GCN1: variants seen among roughly 807,000 people sequenced by gnomAD.
GCN1 encodes GCN1 activator of EIF2AK4, also known as stalled ribosome sensor GCN1.
GCN1 carries 90 observed loss-of-function variants against 288.4 expected under a neutral mutation model. The observed-to-expected ratio is 0.31, with a 90% CI of 0.26 to 0.37. The LOEUF is 0.37. Ranked by LOEUF, GCN1 falls within the 10% of genes least tolerant of loss-of-function variation. The pLI is 1.00. For synonymous variants in GCN1, 1,386 were observed against 1,420.2 expected (o/e 0.98, Z 0.54); for missense variants, 2,586 against 3,419.9 (o/e 0.76, Z 6.08).
At position 120,190,343 on chromosome 12, in the gene GCN1, G is replaced by A. The variant is rs767055962; in HGVS notation, c.76C>T (p.Arg26Trp). The A allele has an allele frequency of 1.2e-6, 2 of 1,610,310 alleles. No homozygotes were observed. Among genetic ancestry groups the A allele is most frequent in the Admixed American group, 1.7e-5 (1 of 59,954 alleles). Reference protein sequence around the residue: ...GKVTTASVKERREILSELGKC... With the variant: ...GKVTTASVKEWREILSELGKC... ...CCAAGTTCACTGAGGATTTCTCTCC[G>A]TTCCTTTACACTGGCTGTTGTCACC... The change falls in exon 2 of 58, where the codon CGG becomes TGG. Residue 26 changes from arginine to tryptophan, a missense_variant. Arg to Trp is a moderately radical substitution (Grantham distance 101). Around this residue, in one of 8 missense-constraint regions of GCN1, gnomAD observed 913 missense variants for 1,107.0 expected, o/e 0.82. Transcript: ENST00000300648.
chr12:120,165,036 CAT>C (rs1303147395), intron 16 of GCN1, among the ~76,000 whole-genome samples: 1,320 of 94,964 alleles, frequency 0.014, 24 homozygotes, highest in East Asian at 0.094. Context: ...CACACACACA[CAT>C]ATATATATAT....
intron 36 of GCN1, among the ~76,000 whole-genome samples, chr12:120,148,781 G>A (rs918717608): frequency 2.6e-5 from 4 of 151,044 alleles, no homozygotes; most frequent in Non-Finnish European, 5.9e-5. Flanking sequence ...AACTAGAGCA[G>A]CTCTACTTTT....
chr12:120,128,082 G>T, intron 57 of GCN1, 108 bp from the exon 58 acceptor site: 2 of 1,189,388 alleles, frequency 1.7e-6, no homozygotes, highest in Non-Finnish European at 2.4e-6. Flanking sequence ...TAGAGACACT[G>T]AGGTGGACTC....
intron 16 of GCN1, among the ~76,000 whole-genome samples, chr12:120,166,095 A>G (rs74641573): frequency 6.9e-6 from 1 of 144,672 alleles, no homozygotes; most frequent in Non-Finnish European, 1.5e-5. Flanking sequence ...GCCCCAGCCT[A>G]TTTTTTTTTA....
chr12:120,149,524 G>T, intron 36 of GCN1, 82 bp downstream of exon 36: 1 of 947,254 alleles, frequency 1.1e-6, no homozygotes, highest in South Asian at 1.4e-5. Flanking sequence ...CACAGGACAA[G>T]AGCTGTGGCT....
At chr12:120,152,425 T>A (rs1410613060) in intron 33 of GCN1, among the ~76,000 whole-genome samples, 1 of 126,214 alleles carries the variant, frequency 7.9e-6, no homozygotes, top group African/African-American at 3.1e-5. Flanking sequence ...TATATATATA[T>A]AAATATATAT....
chr12:120,145,502 C>T (rs1024714336), intron 38 of GCN1, among the ~76,000 whole-genome samples, 172 bp from the exon 39 acceptor site: 2 of 152,178 alleles, frequency 1.3e-5, no homozygotes, highest in Non-Finnish European at 2.9e-5. Context: ...GTCCCCTCTC[C>T]GACTGGTTCC....
At chr12:120,140,082 T>G (rs1877140927) in intron 45 of GCN1, among the ~76,000 whole-genome samples, 2 of 152,236 alleles carry the variant, frequency 1.3e-5, no homozygotes, top group South Asian at 4.1e-4. Flanking sequence ...TTTGATTCCT[T>G]GCCAAATGTA....
chr12:120,160,742 C>G (rs1877898623), intron 22 of GCN1, among the ~76,000 whole-genome samples: 1 of 152,224 alleles, frequency 6.6e-6, no homozygotes, highest in South Asian at 2.1e-4. Flanking sequence ...GTGCCAGGCA[C>G]TGTTCCAGAT....
chr12:120,165,002 T>TACACACACACACACACACACACAC (rs55710290), intron 16 of GCN1, among the ~76,000 whole-genome samples: 1 of 136,892 alleles, frequency 7.3e-6, no homozygotes, highest in African/African-American at 2.8e-5. Context: ...TACACATATA[T>TACACACACACACACACACACACAC]ACACACACAC....
chr12:120,189,931 G>A (rs1878950374), intron 2 of GCN1, among the ~76,000 whole-genome samples: 1 of 152,246 alleles, frequency 6.6e-6, no homozygotes, highest in East Asian at 1.9e-4. Context: ...AGTGAGCCGA[G>A]AGCGTGCCAC....
rs760825268 is a variant in GCN1, at chr12:120,173,835, A to G, written c.1193-9T>C. The G allele has an allele frequency of 1.2e-6, 2 of 1,611,950 alleles. No homozygotes were observed. The highest frequency in any genetic ancestry group is 2.7e-5 in the African/African-American group (2 of 74,852). On this transcript the variant is annotated splice_polypyrimidine_tract_variant and intron_variant, in intron 13 of 57. Transcript: ENST00000300648. ...CAAGGTCCCTTCATGAACTAGGGCAAAAAGCAGAAGTCCAGTCAGTCCAAT... is the reference window on the plus strand; with the variant it reads ...CAAGGTCCCTTCATGAACTAGGGCAGAAAGCAGAAGTCCAGTCAGTCCAAT...
Position 120,161,933 on chromosome 12 carries a change from A to C in GCN1, c.2289T>G (p.Phe763Leu), listed in dbSNP as rs1877945506. The C allele has an allele frequency of 6.2e-7, 1 of 1,614,058 alleles. No homozygotes were observed. Among genetic ancestry groups the C allele is most frequent in the African/African-American group, 1.3e-5 (1 of 74,942 alleles). Residue 763 changes from phenylalanine to leucine, a missense_variant, in exon 21 of 58, where the codon TTT (phenylalanine) becomes TTG (leucine). By Grantham distance (22) the Phe-to-Leu change is conservative. Coordinates refer to ENST00000300648, the MANE Select transcript of GCN1 (RefSeq NM_006836.2). ...CCCCAGCAGGGGTCTGCATAATGGC[A>C]AACTCCTCCCGCGTCACCAGGCGCA... is the stretch of plus-strand genomic sequence containing the variant. ...PALRLVTREEFAIMQTPAGEL... is the reference protein window; with the variant it reads ...PALRLVTREELAIMQTPAGEL...
intron 1 of GCN1, among the ~76,000 whole-genome samples, 169 bp downstream of exon 1, chr12:120,194,511 G>A (rs1879108468): frequency 6.6e-6 from 1 of 151,994 alleles, no homozygotes. Flanking sequence ...CGCCCGGGCC[G>A]GGCCAAGCCC....
Position 120,142,258 on chromosome 12 carries a change from G to A in GCN1, c.5829+249C>T, listed in dbSNP as rs554929144. Reference sequence around the variant, plus strand: ...GGAGAATGGCATGAACCTAGGAGGCGGAGCTTGCAGTGAGCTGAGATCACG... The same window carrying A: ...GGAGAATGGCATGAACCTAGGAGGCAGAGCTTGCAGTGAGCTGAGATCACG... On this transcript the variant is annotated intron_variant, in intron 44 of 57. Coordinates refer to ENST00000300648, the MANE Select transcript of GCN1 (RefSeq NM_006836.2). The surrounding 1 kb of genome is among the most constrained non-coding windows in gnomAD (Gnocchi z 4.9). 1.8e-3 allele frequency among the ~76,000 whole-genome samples: 271 copies of A among 152,202 alleles called. No individual in the cohort carries two copies. In the Middle Eastern group the frequency reaches 0.024, roughly 13 times the overall value.
In GCN1 at chr12:120,149,611, T is replaced by G; in HGVS notation, c.4541A>C (p.Lys1514Thr). 1.2e-6 allele frequency: 2 copies of G among 1,611,072 alleles called. No homozygotes were observed. The highest frequency in any genetic ancestry group is 1.7e-6 in the Non-Finnish European group (2 of 1,177,516). ...AALEEESWRT[K>T]AGSVELLGAM... is the part of the protein sequence containing the mutation. ...GGCAGAGCGAGTGGTCTTACCAGCTTTGGTCCGCCACGATTCCTCCTCCAG... is the reference window on the plus strand; with the variant it reads ...GGCAGAGCGAGTGGTCTTACCAGCTGTGGTCCGCCACGATTCCTCCTCCAG... The change falls in exon 36 of 58, where the codon AAA becomes ACA. Residue 1514 changes from lysine (K) to threonine (T), a missense_variant. By Grantham distance (78) the Lys-to-Thr change is moderately conservative. This residue lies in a region of GCN1 where 371 missense variants were observed against 572.6 expected (regional missense o/e 0.65). Transcript: ENST00000300648.
chr12:120,128,790 A>G (rs1434136799), intron 57 of GCN1, among the ~76,000 whole-genome samples: 1 of 151,808 alleles, frequency 6.6e-6, no homozygotes, highest in Non-Finnish European at 1.5e-5. Context: ...AGAAGTCTGA[A>G]AACCATGGGA....
At chr12:120,169,801 T>G (rs945639951) in intron 15 of GCN1, among the ~76,000 whole-genome samples, 1 of 152,214 alleles carries the variant, frequency 6.6e-6, no homozygotes, top group Non-Finnish European at 1.5e-5. Flanking sequence ...GAGGGAAACT[T>G]AACGGCTACG....
chr12:120,186,803 A>T (rs1371478444), intron 2 of GCN1, among the ~76,000 whole-genome samples: 2 of 152,224 alleles, frequency 1.3e-5, no homozygotes, highest in Admixed American at 1.3e-4. Flanking sequence ...GGGAAGTACT[A>T]CTGCTATCTC....
Sources: allele counts gnomAD v4.1 joint callset (sites outside exome capture counted in the v4.1 genomes callset), GRCh38; gene constraint gnomAD v4.1.1; regional missense constraint gnomAD v4.1.1; non-coding constraint Gnocchi (gnomAD v3.1); transcripts MANE v1.5; gene names NCBI Gene and HGNC (gene_info 2026-07-23, HGNC 2026-07-21).